The following PPM1A variants were observed in gnomAD, a reference collection of about 807,000 sequenced individuals.
PPM1A encodes the protein protein phosphatase, Mg2+/Mn2+ dependent 1A, also known as protein phosphatase 1A.
PPM1A carries 7 observed loss-of-function variants against 35.0 expected under a neutral mutation model. The ratio of observed to expected loss-of-function variants is 0.20; its 90% CI spans 0.11 to 0.38. The LOEUF (loss-of-function observed/expected upper bound fraction) is 0.38. PPM1A is among the 10% of genes least tolerant of loss of function. PPM1A has a pLI of 1.00. For synonymous variants in PPM1A, 153 were observed against 167.3 expected (o/e 0.91, Z 0.66); for missense variants, 239 against 467.8 (o/e 0.51, Z 4.51).
In PPM1A at chr14:60,285,682, C is replaced by T. The variant is rs201980172; in HGVS notation, c.893C>T (p.Ser298Leu). The T allele has an allele frequency of 5.8e-5, 93 of 1,613,872 alleles. 1 individual carries two copies. The East Asian group carries it at 7.6e-4, about 13-fold the overall frequency. ...TGTTTTCCAAATGCACCCAAAGTAT[C>T]GCCAGAAGCAGTGAAGAAGGAGGCA... Reference protein sequence around the residue: ...LICFPNAPKVSPEAVKKEAEL... With the variant: ...LICFPNAPKVLPEAVKKEAEL... Residue 298 changes from serine (S) to leucine (L), a missense_variant, in exon 3 of 6, where the codon TCG becomes TTG. By Grantham distance (145) the Ser-to-Leu change is moderately radical. This residue lies in a region of PPM1A where 175 missense variants were observed against 389.2 expected (regional missense o/e 0.45). Transcript: ENST00000395076.
chr14:60,287,108 A>G lies in PPM1A; in HGVS notation c.952+1367A>G, dbSNP rs963282403. Reference sequence around the variant, plus strand: ...GGCAGACATGTTTTCTTATTGGTTTAAAGAAGTAATAAGTATTTTAATATT... The same window carrying G: ...GGCAGACATGTTTTCTTATTGGTTTGAAGAAGTAATAAGTATTTTAATATT... On this transcript the variant is annotated intron_variant, in intron 3 of 5. Transcript: ENST00000395076. 452 of 946,872 alleles carry G rather than the reference A, an allele frequency of 4.8e-4. 1 individual carries two copies. The highest frequency in any genetic ancestry group is 5.6e-4 in the Non-Finnish European group (443 of 795,192). The allele number at this position is 946,872 out of a possible 1,614,324, so 58.7% of individuals were successfully genotyped here.
intron 1 of PPM1A, among the ~76,000 whole-genome samples, chr14:60,252,345 T>C (rs1882528759): frequency 6.6e-6 from 1 of 152,234 alleles, no homozygotes; most frequent in South Asian, 2.1e-4. Flanking sequence ...TCCTCTCAAA[T>C]GATTATCTAA....
upstream of PPM1A, among the ~76,000 whole-genome samples, chr14:60,248,057 CAA>C (rs1881904811): frequency 6.6e-6 from 1 of 152,090 alleles, no homozygotes; most frequent in Non-Finnish European, 1.5e-5. Flanking sequence ...AAGCCGCTGA[CAA>C]GAGAGGGAAG....
At position 60,278,961 on chromosome 14, in the gene PPM1A, G is replaced by GGA. The variant is rs562397126; in HGVS notation, c.-20-3719_-20-3718dup. ...ATATGTCACCTTGGATGGATGGATG[G>GGA]GAGAGTTTCTTCAAGACAGCATGTT... On this transcript the variant is annotated intron_variant, in intron 1 of 5. Transcript: ENST00000395076. 4.6e-5 allele frequency among the ~76,000 whole-genome samples: 7 copies of GGA among 152,272 alleles called. No individual in the cohort carries two copies. The East Asian group carries it at 1.4e-3, about 29-fold the overall frequency.
intron 3 of PPM1A, chr14:60,286,628 A>T: frequency 1.0e-6 from 1 of 985,292 alleles, no homozygotes; most frequent in Non-Finnish European, 1.2e-6. Flanking sequence ...GCATTGACCT[A>T]CCACACCTAC....
At chr14:60,268,488 A>C (rs1380315355) in intron 1 of PPM1A, 1 of 724,304 alleles carries the variant, frequency 1.4e-6, no homozygotes. Flanking sequence ...TAGTTAGACT[A>C]TTTAGTGGCT....
intron 3 of PPM1A, chr14:60,288,478 A>T (rs1211166622): frequency 5.1e-6 from 5 of 984,136 alleles, no homozygotes; most frequent in Non-Finnish European, 6.0e-6. Flanking sequence ...TGTACAGCAG[A>T]TTTCCAGCAT....
At chr14:60,285,534 T>A in intron 2 of PPM1A, 90 bp from the exon 3 acceptor site, 1 of 1,321,968 alleles carries the variant, frequency 7.6e-7, no homozygotes, top group Non-Finnish European at 1.1e-6. Flanking sequence ...CTAGAACAAG[T>A]ATAACTGTAA....
chr14:60,250,397 A>G, intron 1 of PPM1A: 1 of 983,956 alleles, frequency 1.0e-6, no homozygotes, highest in South Asian at 4.7e-5. Flanking sequence ...ATAAACTTGG[A>G]GCCTTTTCTT....
chr14:60,283,606 C>T lies in PPM1A; in HGVS notation c.834+69C>T. ...ATTAATCACTACTCTAGTATTTAAT[C>T]ATCTTAGAATCTGTAATTCTGAAAC... On this transcript the variant is annotated intron_variant, in intron 2 of 5. Coordinates refer to ENST00000395076, the MANE Select transcript of PPM1A (RefSeq NM_021003.5). The surrounding 1 kb of genome is among the most constrained non-coding windows in gnomAD (Gnocchi z 6.3). The T allele has an allele frequency of 1.4e-6, 2 of 1,455,360 alleles. No individual in the cohort carries two copies. The highest frequency in any genetic ancestry group is 1.8e-6 in the Non-Finnish European group (2 of 1,087,338). The allele number at this position is 1,455,360 out of a possible 1,614,324, so 90.2% of individuals were successfully genotyped here.
At chr14:60,288,634 G>A (rs1343992777) in intron 3 of PPM1A, 1 of 808,692 alleles carries the variant, frequency 1.2e-6, no homozygotes, top group East Asian at 1.3e-4. Context: ...TAAAAATTTG[G>A]CCTTTATTCT....
chr14:60,283,977 A>G lies in PPM1A; in HGVS notation c.834+440A>G, dbSNP rs1264270483. 2.0e-5 allele frequency among the ~76,000 whole-genome samples: 3 copies of G among 152,354 alleles called. No individual in the cohort carries two copies. In the East Asian group the frequency reaches 5.8e-4, roughly 29 times the overall value. On this transcript the variant is annotated intron_variant, in intron 2 of 5. Coordinates refer to ENST00000395076, the MANE Select transcript of PPM1A (RefSeq NM_021003.5). This position sits in a 1 kb window ranked among gnomAD's most constrained non-coding sequence, Gnocchi z 6.3. ...AATGGTCTGTAGCACTTGAAAGAGG[A>G]ATGTAGTGATCATTAGACGTGATGT... is the stretch of plus-strand genomic sequence containing the variant.
At chr14:60,251,161 G>T (rs1882367684) in intron 1 of PPM1A, among the ~76,000 whole-genome samples, 1 of 152,174 alleles carries the variant, frequency 6.6e-6, no homozygotes, top group Non-Finnish European at 1.5e-5. Flanking sequence ...TTTTAACCTG[G>T]AAGTTTACAG....
upstream of PPM1A, among the ~76,000 whole-genome samples, chr14:60,248,014 G>T (rs1277273771): frequency 6.6e-6 from 1 of 152,078 alleles, no homozygotes; most frequent in Non-Finnish European, 1.5e-5. Flanking sequence ...CTTTTCCTGC[G>T]AATGTGGTGT....
In PPM1A at chr14:60,273,257, G is replaced by A. The variant is rs570112782; in HGVS notation, c.-20-9427G>A. Among the ~76,000 whole-genome samples, 113 of 152,316 alleles carry A rather than the reference G, an allele frequency of 7.4e-4. No homozygotes were observed. Among genetic ancestry groups the A allele is most frequent in the African/African-American group, 2.6e-3 (109 of 41,568 alleles). On this transcript the variant is annotated intron_variant, in intron 1 of 5. Coordinates refer to ENST00000395076, the MANE Select transcript of PPM1A (RefSeq NM_021003.5). The surrounding 1 kb of genome is among the most constrained non-coding windows in gnomAD (Gnocchi z 4.3). ...TAGGGAACTCAAAGGAGGCTCCTTT[G>A]AAGAATTGATGCTTGAGCTGAGATC...
chr14:60,250,459 T>C, intron 1 of PPM1A: 1 of 981,656 alleles, frequency 1.0e-6, no homozygotes, highest in South Asian at 4.7e-5. Flanking sequence ...TTTAGATACG[T>C]TTTGAAAATT....
chr14:60,287,068 T>TG (rs1887096682), intron 3 of PPM1A: 1 of 949,374 alleles, frequency 1.1e-6, no homozygotes, highest in African/African-American at 1.8e-5. Flanking sequence ...TTTAATGTAT[T>TG]GGCACTTTAA....
At chr14:60,275,669 C>T (rs764478088) in intron 1 of PPM1A, among the ~76,000 whole-genome samples, 2 of 151,866 alleles carry the variant, frequency 1.3e-5, no homozygotes, top group Non-Finnish European at 2.9e-5. Flanking sequence ...TTTACAGAGT[C>T]ACGCTATTTT....
At position 60,298,565 on chromosome 14, in the gene PPM1A, A is replaced by G. The variant is rs1465803034; in HGVS notation, c.*6083A>G. ...GGACTTCTGGAACATAGAAACCATT[A>G]TCTTACCTGGTTATCCCTTGACTAA... On this transcript the variant is annotated 3_prime_UTR_variant, in exon 6 of 6. Transcript: ENST00000395076. The G allele has an allele frequency of 1.3e-5, 2 of 151,772 alleles. No individual in the cohort carries two copies. The highest frequency in any genetic ancestry group is 3.8e-4 in the East Asian group (2 of 5,196). The allele number at this position is 151,772 out of a possible 1,614,324, so 9.4% of individuals were successfully genotyped here.
Sources: allele counts gnomAD v4.1 joint callset (sites outside exome capture counted in the v4.1 genomes callset), GRCh38; gene constraint gnomAD v4.1.1; regional missense constraint gnomAD v4.1.1; non-coding constraint Gnocchi (gnomAD v3.1); transcripts MANE v1.5; gene names NCBI Gene and HGNC (gene_info 2026-07-23, HGNC 2026-07-21).